Variants in AK3 observed in about 807,000 individuals in gnomAD.
The protein encoded by AK3 is GTP:AMP phosphotransferase AK3, mitochondrial.
In AK3, 27 loss-of-function variants were observed where a neutral mutation model predicts 23.7. That is an observed-to-expected ratio of 1.14 (90% CI 0.84 to 1.57). The LOEUF (loss-of-function observed/expected upper bound fraction) is 1.57. AK3 is among the 40% of genes most tolerant of loss of function. The pLI is 0.00. For synonymous variants in AK3, 159 were observed against 116.0 expected (o/e 1.37, Z -2.38); for missense variants, 406 against 285.6 (o/e 1.42, Z -3.04).
chr9:4,711,552 C>A lies in AK3; in HGVS notation c.*1424G>T, dbSNP rs1043261613. On this transcript the variant is annotated 3_prime_UTR_variant, in exon 5 of 5. Coordinates refer to ENST00000381809, the MANE Select transcript of AK3 (RefSeq NM_016282.4). The stretch of plus-strand genomic sequence containing the variant: ...AACACATAAGAACCACTTACTGGCA[C>A]TTGTATTTTAAGTACCTGGGAAAAA... 6.6e-6 allele frequency: 1 copy of A among 152,456 alleles called. No individual in the cohort carries two copies. Among genetic ancestry groups the A allele is most frequent in the Non-Finnish European group, 1.5e-5 (1 of 68,036 alleles). 9.4% of individuals were successfully genotyped at this position (152,456 alleles called of 1,614,324 possible). A position where few individuals can be genotyped will look rare whatever the true frequency, so the allele number is the denominator to read the frequency against.
chr9:4,720,457 G>C (rs926211539), intron 2 of AK3, among the ~76,000 whole-genome samples: 3 of 152,166 alleles, frequency 2.0e-5, no homozygotes, highest in Admixed American at 6.5e-5. Context: ...GCTGAGGCGG[G>C]AGGACTGCTT....
rs1039081628 is a variant in AK3 at position 4,711,056 on chromosome 9, A to C, written c.*1920T>G. ...TTAATTCTCATAGCCATGTTCTTCC[A>C]CTGCTCACTTTGATTTCCAAATCCC... On this transcript the variant is annotated 3_prime_UTR_variant, in exon 5 of 5. Coordinates refer to ENST00000381809, the MANE Select transcript of AK3 (RefSeq NM_016282.4). 2.0e-5 allele frequency: 3 copies of C among 152,194 alleles called. No individual in the cohort carries two copies. The highest frequency in any genetic ancestry group is 7.2e-5 in the African/African-American group (3 of 41,440). The allele number at this position is 152,194 out of a possible 1,614,324, so 9.4% of individuals were successfully genotyped here. A position where few individuals can be genotyped will look rare whatever the true frequency, so the allele number is the denominator to read the frequency against.
intron 4 of AK3, among the ~76,000 whole-genome samples, chr9:4,716,372 G>C (rs1162092000): frequency 6.6e-6 from 1 of 152,160 alleles, no homozygotes; most frequent in Non-Finnish European, 1.5e-5. Context: ...GACAATGAAT[G>C]ATTTAATAGA....
At chr9:4,727,727 G>A (rs1842051171) in intron 1 of AK3, among the ~76,000 whole-genome samples, 2 of 152,134 alleles carry the variant, frequency 1.3e-5, no homozygotes, top group South Asian at 4.1e-4. Flanking sequence ...TTACAACTTG[G>A]CTAACTGGTG....
At chr9:4,717,020 A>G (rs1229257575) in intron 4 of AK3, among the ~76,000 whole-genome samples, 3 of 152,244 alleles carry the variant, frequency 2.0e-5, no homozygotes, top group Non-Finnish European at 2.9e-5. Context: ...AACAATAGCT[A>G]ACATTTCTAT....
At chr9:4,739,629 A>G (rs1332604853) in intron 1 of AK3, among the ~76,000 whole-genome samples, 1 of 151,974 alleles carries the variant, frequency 6.6e-6, no homozygotes, top group African/African-American at 2.4e-5. Flanking sequence ...CACATATTAC[A>G]TACAAGAAAA....
At chr9:4,725,898 C>G (rs1001328818) in intron 1 of AK3, among the ~76,000 whole-genome samples, 2 of 151,786 alleles carry the variant, frequency 1.3e-5, no homozygotes, top group African/African-American at 4.8e-5. Context: ...TGGTTATAGT[C>G]AAAAAGACAC....
intron 1 of AK3, among the ~76,000 whole-genome samples, chr9:4,733,414 G>A (rs1465074086): frequency 6.6e-6 from 1 of 152,182 alleles, no homozygotes; most frequent in Non-Finnish European, 1.5e-5. Context: ...GATGTGCATG[G>A]AAGGGGAACG....
At chr9:4,727,919 G>C (rs963369609) in intron 1 of AK3, among the ~76,000 whole-genome samples, 1 of 152,156 alleles carries the variant, frequency 6.6e-6, no homozygotes, top group African/African-American at 2.4e-5. Context: ...TCAGGGAATA[G>C]GGAAGCTCGA....
chr9:4,738,432 C>G (rs547740129), intron 1 of AK3, among the ~76,000 whole-genome samples: 2 of 152,132 alleles, frequency 1.3e-5, no homozygotes, highest in Non-Finnish European at 2.9e-5. Flanking sequence ...TCCCAAAGTG[C>G]TAGGATTACA....
chr9:4,724,019 T>C (rs1299374025), intron 1 of AK3, among the ~76,000 whole-genome samples: 10 of 152,266 alleles, frequency 6.6e-5, no homozygotes, highest in African/African-American at 1.9e-4. Context: ...GAACAGATTC[T>C]AAATTGTCAG....
chr9:4,714,103 TA>T (rs1841648808), intron 4 of AK3, among the ~76,000 whole-genome samples: 3 of 122,562 alleles, frequency 2.4e-5, no homozygotes, highest in African/African-American at 1.0e-4. Flanking sequence ...TATACACACC[TA>T]CACATATACA....
chr9:4,722,651 AG>A (rs1229387641), intron 1 of AK3, 26 bp from the exon 2 acceptor site: 3 of 1,614,130 alleles, frequency 1.9e-6, no homozygotes, highest in Non-Finnish European at 1.7e-6. Flanking sequence ...GAAAAAAATC[AG>A]TAAGTGCATT....
intron 1 of AK3, among the ~76,000 whole-genome samples, chr9:4,736,132 A>G (rs1335030631): frequency 6.6e-6 from 1 of 151,714 alleles, no homozygotes; most frequent in Non-Finnish European, 1.5e-5. Context: ...AAAAAAAAAA[A>G]AAGTTGATTT....
chr9:4,741,350 C>G (rs1194703660), upstream of AK3: 1 of 339,746 alleles, frequency 2.9e-6, no homozygotes, highest in African/African-American at 2.2e-5. Context: ...CCGCGCAAGC[C>G]GCGCAAGCCG....
chr9:4,713,151 A>T (rs940107693), intron 4 of AK3, 55 bp from the exon 5 acceptor site: 14 of 1,593,022 alleles, frequency 8.8e-6, no homozygotes, highest in Non-Finnish European at 1.1e-5. Flanking sequence ...CTTCCTAATA[A>T]GCTCTTTCAA....
chr9:4,739,831 T>G (rs1842383053), intron 1 of AK3, among the ~76,000 whole-genome samples: 1 of 151,880 alleles, frequency 6.6e-6, no homozygotes, highest in South Asian at 2.1e-4. Flanking sequence ...CTAGGGAGGC[T>G]GAGACAGGAG....
intron 4 of AK3, among the ~76,000 whole-genome samples, chr9:4,715,692 A>G (rs1196763816): frequency 6.6e-6 from 1 of 152,040 alleles, no homozygotes; most frequent in Non-Finnish European, 1.5e-5. Flanking sequence ...CCACTGTCCC[A>G]GGCCCCTTCC....
At chr9:4,724,839 G>C (rs998710821) in intron 1 of AK3, among the ~76,000 whole-genome samples, 1 of 151,634 alleles carries the variant, frequency 6.6e-6, no homozygotes, top group African/African-American at 2.4e-5. Flanking sequence ...CAAATTTATA[G>C]TAAACTGATT....
Sources: gnomAD v4.1 joint callset for allele counts (sites outside exome capture counted in the v4.1 genomes callset) on GRCh38, gnomAD v4.1.1 for gene constraint, MANE v1.5 for transcripts, NCBI Gene and HGNC (gene_info 2026-07-23, HGNC 2026-07-21) for gene names.